Variants in BAZ1B observed in about 807,000 individuals in gnomAD.
BAZ1B encodes bromodomain adjacent to zinc finger domain 1B, also known as tyrosine-protein kinase BAZ1B.
Under a neutral mutation model 153.8 loss-of-function variants are expected in BAZ1B, and 22 were observed. That is an observed-to-expected ratio of 0.14 (90% CI 0.10 to 0.20). The LOEUF (loss-of-function observed/expected upper bound fraction) is 0.20. BAZ1B is among the 10% of genes least tolerant of loss of function. The probability of loss-of-function intolerance (pLI) is 1.00; values close to 1 mark genes in which losing one functional copy is unlikely to be tolerated. For synonymous variants in BAZ1B, 676 were observed against 633.4 expected, an observed-to-expected ratio of 1.07 and a Z score of -1.01; for missense variants, 1,325 against 1,799.3, an observed-to-expected ratio of 0.74 and a Z score of 4.77.
chr7:73,485,397 G>A (rs1554574341), intron 6 of BAZ1B, among the ~76,000 whole-genome samples: 1 of 152,048 alleles, frequency 6.6e-6, no homozygotes, highest in African/African-American at 2.4e-5. Flanking sequence ...GAGGCAGGAG[G>A]ATCACTTGAG....
rs186732366 is a variant in BAZ1B at position 73,477,283 on chromosome 7, A to T, written c.2178T>A (p.Asp726Glu). 15 of 1,614,218 alleles carry T rather than the reference A, an allele frequency of 9.3e-6. No homozygotes were observed. The highest frequency in any genetic ancestry group is 1.3e-5 in the African/African-American group (1 of 75,062). Residue 726 changes from aspartate to glutamate, a missense_variant, in exon 7 of 20, where the codon GAT (aspartate) becomes GAA (glutamate). Transcript: ENST00000339594. This position sits in a 1 kb window ranked among gnomAD's most constrained non-coding sequence, Gnocchi z 5.6. ...SAAFEDNEVQ[D>E]EFLEKLETSE... ...AGGTCTCCAGCTTTTCTAGGAACTCATCTTGTACCTCATTATCCTCAAATG... is the reference window on the plus strand; with the variant it reads ...AGGTCTCCAGCTTTTCTAGGAACTCTTCTTGTACCTCATTATCCTCAAATG...
intron 13 of BAZ1B, among the ~76,000 whole-genome samples, chr7:73,453,570 C>T (rs1788089802): frequency 6.6e-6 from 1 of 152,188 alleles, no homozygotes; most frequent in Non-Finnish European, 1.5e-5. Flanking sequence ...AAAACAAAAC[C>T]TATGTAGTAG....
At chr7:73,482,960 G>A (rs1324773223) in intron 6 of BAZ1B, among the ~76,000 whole-genome samples, 1 of 152,098 alleles carries the variant, frequency 6.6e-6, no homozygotes, top group African/African-American at 2.4e-5. Context: ...GACTCAGGGG[G>A]ATCTGAAAAA....
intron 4 of BAZ1B, among the ~76,000 whole-genome samples, chr7:73,494,361 C>T (rs1230584570): frequency 6.6e-6 from 1 of 152,020 alleles, no homozygotes; most frequent in Non-Finnish European, 1.5e-5. Context: ...CCAGCCTGGG[C>T]AACAGAGCGA....
intron 1 of BAZ1B, among the ~76,000 whole-genome samples, chr7:73,511,865 C>A (rs868941454): frequency 0.019 from 2,273 of 119,300 alleles, 25 homozygotes; most frequent in Non-Finnish European, 0.031. Context: ...TACTAAAAAT[C>A]AAAAAAAAAA....
In BAZ1B at chr7:73,479,030, T is replaced by C. The variant is rs561850532; in HGVS notation, c.892-461A>G. On this transcript the variant is annotated intron_variant, in intron 6 of 19. Transcript: ENST00000339594. Reference sequence around the variant, plus strand: ...TTTTCATCCTTTCACTGTTGGTTCCTATTCAGGGCATTTTATGCTTTTAAG... The same window carrying C: ...TTTTCATCCTTTCACTGTTGGTTCCCATTCAGGGCATTTTATGCTTTTAAG... Among the ~76,000 whole-genome samples the C allele has an allele frequency of 3.3e-5, 5 of 152,268 alleles. No homozygotes were observed. The South Asian group carries it at 1.0e-3, about 32-fold the overall frequency.
chr7:73,442,946 C>T, intron 17 of BAZ1B, 118 bp from the exon 18 acceptor site: 1 of 800,902 alleles, frequency 1.2e-6, no homozygotes, highest in Middle Eastern at 2.4e-4. Flanking sequence ...TTCCTTGGCG[C>T]AGAGGTGCTG....
At chr7:73,507,825 A>C (rs1363914683) in intron 3 of BAZ1B, among the ~76,000 whole-genome samples, 2 of 152,002 alleles carry the variant, frequency 1.3e-5, no homozygotes, top group Non-Finnish European at 1.5e-5. Context: ...CTATGACTGC[A>C]CCACTGCACT....
intron 17 of BAZ1B, 101 bp downstream of exon 17, chr7:73,443,883 G>C: frequency 9.1e-6 from 14 of 1,534,746 alleles, no homozygotes; most frequent in Non-Finnish European, 1.2e-5. Context: ...AAGGAGGAGG[G>C]GGGAGGCTCC....
At chr7:73,491,556 G>A (rs532454658) in intron 5 of BAZ1B, among the ~76,000 whole-genome samples, 5 of 151,998 alleles carry the variant, frequency 3.3e-5, no homozygotes, top group South Asian at 2.1e-4. Context: ...CCGAGATTGC[G>A]CCATTGCACT....
intron 12 of BAZ1B, among the ~76,000 whole-genome samples, chr7:73,461,328 A>G (rs1554570353): frequency 6.6e-6 from 1 of 152,222 alleles, no homozygotes; most frequent in East Asian, 1.9e-4. Flanking sequence ...AAAAGAAAAG[A>G]AATAAAAAAT....
chr7:73,515,562 G>T (rs1034816734), intron 1 of BAZ1B, among the ~76,000 whole-genome samples: 1 of 137,560 alleles, frequency 7.3e-6, no homozygotes, highest in African/African-American at 2.8e-5. Flanking sequence ...TTTTGAAGCA[G>T]GGTCTTGCTC....
intron 7 of BAZ1B, among the ~76,000 whole-genome samples, chr7:73,474,884 A>G (rs1292824572): frequency 1.3e-5 from 2 of 152,244 alleles, no homozygotes; most frequent in African/African-American, 2.4e-5. Context: ...TTACAACTCA[A>G]TAATAATCAG....
intron 13 of BAZ1B, among the ~76,000 whole-genome samples, chr7:73,456,428 G>A (rs918352947): frequency 1.3e-5 from 2 of 152,064 alleles, no homozygotes; most frequent in Non-Finnish European, 2.9e-5. Context: ...TTATTATCAA[G>A]GACATATAAA....
At chr7:73,514,105 C>T (rs1282388139) in intron 1 of BAZ1B, among the ~76,000 whole-genome samples, 2 of 152,152 alleles carry the variant, frequency 1.3e-5, no homozygotes, top group Non-Finnish European at 1.5e-5. Flanking sequence ...CTCCAATGAG[C>T]TCTTCCTTTG....
At chr7:73,508,554 C>T (rs911171124) in intron 2 of BAZ1B, 83 bp from the exon 3 acceptor site, 1 of 1,426,840 alleles carries the variant, frequency 7.0e-7, no homozygotes, top group South Asian at 1.4e-5. Flanking sequence ...ACATTTCTTT[C>T]TTTCTTTTCC....
At position 73,489,359 on chromosome 7, in the gene BAZ1B, A is replaced by G. The variant is rs1789542389; in HGVS notation, c.726T>C (p.Ile242=). 1 of 1,614,214 alleles carries G rather than the reference A, an allele frequency of 6.2e-7. No individual in the cohort carries two copies. Among genetic ancestry groups the G allele is most frequent in the East Asian group, 2.2e-5 (1 of 44,880 alleles). ...CCTTATTTGGTGGGCGCTCTGTACGAATCAAGCTGTCTGCTGGCACGTTAC... is the reference window on the plus strand; with the variant it reads ...CCTTATTTGGTGGGCGCTCTGTACGGATCAAGCTGTCTGCTGGCACGTTAC... ...IISNVPADSL[I]RTERPPNKEI... Residue 242 remains isoleucine (I), a synonymous_variant, in exon 6 of 20, where the codon ATT becomes ATC. Transcript: ENST00000339594.
At chr7:73,444,823 T>TGG (rs1554566055) in intron 16 of BAZ1B, among the ~76,000 whole-genome samples, 55 of 152,156 alleles carry the variant, frequency 3.6e-4, no homozygotes, top group African/African-American at 1.2e-3. Context: ...AAGACCAGCC[T>TGG]GACCAACATG....
intron 2 of BAZ1B, among the ~76,000 whole-genome samples, chr7:73,509,991 G>A (rs1486661438): frequency 6.6e-6 from 1 of 151,590 alleles, no homozygotes; most frequent in African/African-American, 2.4e-5. Flanking sequence ...GCCAGGCGTG[G>A]TGGTGAGCGC....
Sources: gnomAD v4.1 joint callset for allele counts (sites outside exome capture counted in the v4.1 genomes callset) on GRCh38, gnomAD v4.1.1 for gene constraint, Gnocchi (gnomAD v3.1) non-coding constraint, MANE v1.5 for transcripts, NCBI Gene and HGNC (gene_info 2026-07-23, HGNC 2026-07-21) for gene names.